GRIA1: variants seen among roughly 807,000 people sequenced by gnomAD.
GRIA1 encodes glutamate receptor 1.
In GRIA1, 31 loss-of-function variants were observed where a neutral mutation model predicts 99.2. That is an observed-to-expected ratio of 0.31 (90% CI 0.23 to 0.42). GRIA1 has a LOEUF of 0.42. GRIA1 is among the 10% of genes least tolerant of loss of function. GRIA1 has a pLI of 1.00. For missense variants in GRIA1, 782 were observed against 1,157.5 expected, an observed-to-expected ratio of 0.68 and a Z score of 4.71; for synonymous variants, 438 against 432.4, an observed-to-expected ratio of 1.01 and a Z score of -0.16.
intron 8 of GRIA1, among the ~76,000 whole-genome samples, chr5:153,693,722 A>G (rs540703632): frequency 2.0e-5 from 3 of 152,214 alleles, no homozygotes; most frequent in African/African-American, 7.2e-5. Flanking sequence ...AATTGTTTAA[A>G]TCCTCTCCTG....
intron 15 of GRIA1, among the ~76,000 whole-genome samples, chr5:153,810,772 G>A (rs906853960): frequency 6.6e-6 from 1 of 152,108 alleles, no homozygotes; most frequent in Non-Finnish European, 1.5e-5. Flanking sequence ...GAATAAGAAA[G>A]GATCTTCTGT....
At position 153,811,275 on chromosome 5, in the gene GRIA1, C is replaced by T. The variant is rs1266401954; in HGVS notation, c.*50C>T. ...GGAGCAGGCTCGGGCTCCCCAGCCC[C>T]ATCCCAAACCCTTCAGTGCCAAAAA... is the stretch of plus-strand genomic sequence containing the variant. On this transcript the variant is annotated 3_prime_UTR_variant, in exon 16 of 16. Coordinates refer to ENST00000285900, the MANE Select transcript of GRIA1 (RefSeq NM_000827.4). The T allele has an allele frequency of 2.2e-6, 3 of 1,391,746 alleles. No homozygotes were observed. The highest frequency in any genetic ancestry group is 1.0e-6 in the Non-Finnish European group (1 of 982,240). 86.2% of individuals were successfully genotyped at this position (1,391,746 alleles called of 1,614,324 possible).
chr5:153,699,954 G>C (rs1179226058), intron 10 of GRIA1, among the ~76,000 whole-genome samples: 1 of 152,136 alleles, frequency 6.6e-6, no homozygotes, highest in East Asian at 1.9e-4. Flanking sequence ...CATTTTATGG[G>C]GTAGAAAAGA....
intron 11 of GRIA1, among the ~76,000 whole-genome samples, chr5:153,760,729 CA>C (rs1304092112): frequency 2.6e-5 from 4 of 151,940 alleles, no homozygotes; most frequent in African/African-American, 9.7e-5. Context: ...CAATCTTGAA[CA>C]AAAAGAACAA....
chr5:153,791,768 T>C (rs919104739), intron 13 of GRIA1, among the ~76,000 whole-genome samples: 1 of 152,206 alleles, frequency 6.6e-6, no homozygotes, highest in Non-Finnish European at 1.5e-5. Flanking sequence ...CTTATATCCC[T>C]GTGCATTTTC....
intron 2 of GRIA1, among the ~76,000 whole-genome samples, chr5:153,580,767 G>T (rs184475474): frequency 5.3e-5 from 8 of 152,240 alleles, no homozygotes; most frequent in African/African-American, 1.4e-4. Flanking sequence ...GCTGAAATTT[G>T]GATTCAGGAA....
At chr5:153,491,213 G>C in intron 1 of GRIA1, 1 of 1,287,440 alleles carries the variant, frequency 7.8e-7, no homozygotes, top group Non-Finnish European at 1.0e-6. Flanking sequence ...CCAGGCAAGA[G>C]CATGTGAAAT....
Position 153,490,809 on chromosome 5 carries a change from A to G in GRIA1, c.-80A>G, listed in dbSNP as rs1262289077. 7.0e-6 allele frequency: 7 copies of G among 1,005,380 alleles called. No homozygotes were observed. The highest frequency in any genetic ancestry group is 1.6e-5 in the African/African-American group (1 of 63,482). The allele number at this position is 1,005,380 out of a possible 1,614,324, so 62.3% of individuals were successfully genotyped here. On this transcript the variant is annotated 5_prime_UTR_variant, in exon 1 of 16. Transcript: ENST00000285900. ...GAGGAAAAGAACAGGCAGAACAGCG[A>G]GAAGAATAAAGGGAAAGGGGGGGAA...
chr5:153,674,175 G>A (rs4385264), intron 5 of GRIA1, among the ~76,000 whole-genome samples: 51,235 of 152,136 alleles, frequency 0.34, 9,164 homozygotes, highest in South Asian at 0.39. Flanking sequence ...GACATGTGTC[G>A]TTGCATTGTA....
intron 11 of GRIA1, among the ~76,000 whole-genome samples, chr5:153,710,303 G>A (rs936948786): frequency 6.6e-6 from 1 of 151,334 alleles, no homozygotes; most frequent in African/African-American, 2.4e-5. Flanking sequence ...GCTCACTGCA[G>A]CCTTGACCTT....
At chr5:153,649,440 T>TTTATTTAGTTAG (rs1554108110) in intron 3 of GRIA1, among the ~76,000 whole-genome samples, 2,509 of 146,862 alleles carry the variant, frequency 0.017, 36 homozygotes, top group Middle Eastern at 0.045. Context: ...TATTTATTTA[T>TTTATTTAGTTAG]TTAGTTAGTT....
chr5:153,583,989 A>T (rs938710882), intron 2 of GRIA1, among the ~76,000 whole-genome samples: 1 of 152,180 alleles, frequency 6.6e-6, no homozygotes, highest in Non-Finnish European at 1.5e-5. Context: ...ATTTAAGTGA[A>T]TATTTCCAGT....
intron 10 of GRIA1, among the ~76,000 whole-genome samples, chr5:153,704,552 G>A (rs763842458): frequency 6.6e-6 from 1 of 152,142 alleles, no homozygotes; most frequent in Non-Finnish European, 1.5e-5. Context: ...TCTGCATGCT[G>A]GATTTGAAAT....
chr5:153,677,098 T>C lies in GRIA1; in HGVS notation c.966T>C (p.Asp322=), dbSNP rs1756643762. ...TATCTCGCCGGGGGAATGCTGGGGA[T>C]TGTCTGGCTAACCCAGCTGTTCCCT... ...IDISRRGNAG[D]CLANPAVPWG... is the part of the protein sequence containing the mutation. Residue 322 remains aspartate, a synonymous_variant, in exon 7 of 16, where the codon GAT becomes GAC. Coordinates refer to ENST00000285900, the MANE Select transcript of GRIA1 (RefSeq NM_000827.4). 2 of 1,584,622 alleles carry C rather than the reference T, an allele frequency of 1.3e-6. No homozygotes were observed. Among genetic ancestry groups the C allele is most frequent in the Non-Finnish European group, 1.7e-6 (2 of 1,162,852 alleles).
intron 7 of GRIA1, among the ~76,000 whole-genome samples, chr5:153,678,029 A>G (rs1756715617): frequency 6.6e-6 from 1 of 152,230 alleles, no homozygotes; most frequent in South Asian, 2.1e-4. Flanking sequence ...CTGCAAAGGA[A>G]TAACAAAGCA....
chr5:153,704,377 G>T (rs1289255469), intron 10 of GRIA1, among the ~76,000 whole-genome samples: 1 of 152,206 alleles, frequency 6.6e-6, no homozygotes, highest in Non-Finnish European at 1.5e-5. Context: ...AGGTTTCCAG[G>T]ATCTCTTGAT....
chr5:153,655,742 G>A, intron 4 of GRIA1, 77 bp from the exon 5 acceptor site: 2 of 1,224,250 alleles, frequency 1.6e-6, no homozygotes, highest in Non-Finnish European at 2.4e-6. Context: ...CTCGATATCA[G>A]CTGCCGTTAT....
chr5:153,580,031 C>G lies in GRIA1; in HGVS notation c.221-66897C>G, dbSNP rs76941388. Among the ~76,000 whole-genome samples the G allele has an allele frequency of 1.5e-4, 23 of 152,266 alleles. No individual in the cohort carries two copies. In the East Asian group the frequency reaches 4.5e-3, roughly 29 times the overall value. ...TCACATACAGGGAAACAGAGGACCA[C>G]AAGTAGGAGCCCACTTGGGCAGGTG... On this transcript the variant is annotated intron_variant, in intron 2 of 15. Coordinates refer to ENST00000285900, the MANE Select transcript of GRIA1 (RefSeq NM_000827.4).
intron 11 of GRIA1, among the ~76,000 whole-genome samples, chr5:153,743,696 T>A (rs1293345106): frequency 6.6e-6 from 1 of 152,196 alleles, no homozygotes; most frequent in Admixed American, 6.5e-5. Context: ...ATGTCATAGA[T>A]TAGGTACGCC....
Sources: gnomAD v4.1 joint callset for allele counts (sites outside exome capture counted in the v4.1 genomes callset) on GRCh38, gnomAD v4.1.1 for gene constraint, MANE v1.5 for transcripts, NCBI Gene and HGNC (gene_info 2026-07-23, HGNC 2026-07-21) for gene names.